SDHAF4: variants seen among roughly 807,000 people sequenced by gnomAD.
The protein encoded by SDHAF4 is succinate dehydrogenase assembly factor 4, mitochondrial.
Under a neutral mutation model 14.3 loss-of-function variants are expected in SDHAF4, and 14 were observed. The observed-to-expected ratio is 0.98, with a 90% CI of 0.65 to 1.53. The LOEUF (loss-of-function observed/expected upper bound fraction) is 1.53, where lower values mean the gene tolerates loss of function less well. SDHAF4 is among the 40% of genes most tolerant of loss of function. The pLI is 0.00. For missense variants in SDHAF4, 141 were observed against 129.3 expected (o/e 1.09, Z -0.44); for synonymous variants, 63 against 47.3 (o/e 1.33, Z -1.36).
downstream of SDHAF4, among the ~76,000 whole-genome samples, chr6:70,590,789 G>A (rs1765250992): frequency 6.6e-6 from 1 of 151,904 alleles, no homozygotes; most frequent in Non-Finnish European, 1.5e-5. Flanking sequence ...TTCAATAGGA[G>A]AGAGAGAGAT....
At chr6:70,577,942 G>A (rs1403201414) in intron 1 of SDHAF4, among the ~76,000 whole-genome samples, 2 of 152,160 alleles carry the variant, frequency 1.3e-5, no homozygotes, top group Non-Finnish European at 2.9e-5. Flanking sequence ...TGGTATATAT[G>A]TACCACATTT....
chr6:70,573,849 T>G (rs977084637), intron 1 of SDHAF4, among the ~76,000 whole-genome samples: 13 of 151,808 alleles, frequency 8.6e-5, no homozygotes, highest in Middle Eastern at 3.4e-3. Flanking sequence ...TAATTTTTTG[T>G]ATTTTTGGTA....
intron 1 of SDHAF4, among the ~76,000 whole-genome samples, chr6:70,576,445 C>G: frequency 6.6e-6 from 1 of 152,184 alleles, no homozygotes. Flanking sequence ...TCGCTTTCCC[C>G]AAGACACAGT....
downstream of SDHAF4, among the ~76,000 whole-genome samples, chr6:70,592,218 T>C (rs888008464): frequency 6.6e-6 from 1 of 152,200 alleles, no homozygotes; most frequent in Non-Finnish European, 1.5e-5. Context: ...AAACTGGCAC[T>C]GGGAGTGAGG....
chr6:70,573,117 A>AT (rs1338786065), intron 1 of SDHAF4, among the ~76,000 whole-genome samples: 3 of 152,084 alleles, frequency 2.0e-5, no homozygotes, highest in African/African-American at 7.2e-5. Context: ...AGCTAAGACT[A>AT]TAGGCACCAC....
At chr6:70,583,232 C>T (rs1265404688) in intron 2 of SDHAF4, among the ~76,000 whole-genome samples, 1 of 152,172 alleles carries the variant, frequency 6.6e-6, no homozygotes, top group African/African-American at 2.4e-5. Flanking sequence ...CCTGCCTCAG[C>T]CTCCTGAGTA....
Position 70,579,486 on chromosome 6 carries a change from A to G in SDHAF4, c.137A>G (p.Gln46Arg), listed in dbSNP as rs1048886. ...GGAGGAAAGTCTGAACTTGTCAAAC[A>G]GTCCCTTAAGAAGCCGAAGTTACCA... ...SQGGKSELVK[Q>R]SLKKPKLPEG... is the part of the protein sequence containing the mutation. Residue 46 changes from glutamine (Q) to arginine (R), a missense_variant, in exon 2 of 3, where the codon CAG (glutamine) becomes CGG (arginine). Coordinates refer to ENST00000370474, the MANE Select transcript of SDHAF4 (RefSeq NM_145267.3). The G allele has an allele frequency of 0.18, 284,297 of 1,609,918 alleles. 26,366 individuals carry two copies. The highest frequency in any genetic ancestry group is 0.31 in the African/African-American group (22,858 of 74,748).
At chr6:70,584,439 C>T (rs143996364) in intron 2 of SDHAF4, among the ~76,000 whole-genome samples, 309 of 152,280 alleles carry the variant, frequency 2.0e-3, no homozygotes, top group South Asian at 7.9e-3. Flanking sequence ...TTGATCTGTT[C>T]TCTATCACTG....
intron 2 of SDHAF4, among the ~76,000 whole-genome samples, chr6:70,584,425 AC>A (rs1765174725): frequency 6.6e-6 from 1 of 152,128 alleles, no homozygotes; most frequent in African/African-American, 2.4e-5. Flanking sequence ...CCTCCCAGCA[AC>A]CATTGATCTG....
At chr6:70,584,653 T>C (rs901294719) in intron 2 of SDHAF4, among the ~76,000 whole-genome samples, 9 of 151,966 alleles carry the variant, frequency 5.9e-5, no homozygotes, top group African/African-American at 2.4e-5. Flanking sequence ...GGGCAAAAAT[T>C]AGGTTAACAA....
chr6:70,574,033 T>A (rs912891442), intron 1 of SDHAF4, among the ~76,000 whole-genome samples: 1 of 151,406 alleles, frequency 6.6e-6, no homozygotes, highest in Admixed American at 6.6e-5. Context: ...GAAAAATGAT[T>A]AGGCTGGCTG....
the SDHAF4 span, among the ~76,000 whole-genome samples, chr6:70,597,283 C>T: frequency 6.6e-6 from 1 of 150,952 alleles, no homozygotes; most frequent in Non-Finnish European, 1.5e-5. Context: ...CAGGCACCTG[C>T]CACCACGCCT....
intron 1 of SDHAF4, among the ~76,000 whole-genome samples, chr6:70,578,083 A>G (rs531343956): frequency 6.6e-6 from 1 of 152,170 alleles, no homozygotes; most frequent in African/African-American, 2.4e-5. Context: ...TCTTTTGGGT[A>G]TATACCAGTA....
At chr6:70,597,762 T>C in the SDHAF4 span, among the ~76,000 whole-genome samples, 2 of 152,204 alleles carry the variant, frequency 1.3e-5, no homozygotes, top group African/African-American at 4.8e-5. Flanking sequence ...ATCAAATGTG[T>C]TCTGACTTTG....
At chr6:70,571,598 C>T (rs1395078071) in intron 1 of SDHAF4, among the ~76,000 whole-genome samples, 5 of 152,180 alleles carry the variant, frequency 3.3e-5, no homozygotes, top group Non-Finnish European at 7.3e-5. Flanking sequence ...CAGGTGTGAG[C>T]CACCGCGCCC....
Position 70,571,772 on chromosome 6 carries a change from T to G in SDHAF4, c.64+4768T>G, listed in dbSNP as rs1227878431. Among the ~76,000 whole-genome samples, 8 of 152,288 alleles carry G rather than the reference T, an allele frequency of 5.3e-5. No individual in the cohort carries two copies. In the South Asian group the frequency reaches 1.0e-3, roughly 20 times the overall value. On this transcript the variant is annotated intron_variant, in intron 1 of 2. Transcript: ENST00000370474. ...CTGCAAAACTGTCTAGACCTGTTCT[T>G]CTCTTCGAGGGAAGACTTTAAATTA...
chr6:70,579,481 C>T lies in SDHAF4; in HGVS notation c.132C>T (p.Val44=). Residue 44 remains valine (V), a synonymous_variant, in exon 2 of 3, where the codon GTC becomes GTT. Coordinates refer to ENST00000370474, the MANE Select transcript of SDHAF4 (RefSeq NM_145267.3). ...CTCAAGGAGGAAAGTCTGAACTTGT[C>T]AAACAGTCCCTTAAGAAGCCGAAGT... ...SSSQGGKSEL[V]KQSLKKPKLP... 1 of 1,611,522 alleles carries T rather than the reference C, an allele frequency of 6.2e-7. No homozygotes were observed. Among genetic ancestry groups the T allele is most frequent in the Non-Finnish European group, 8.5e-7 (1 of 1,178,628 alleles).
chr6:70,578,691 C>T (rs1044775641), intron 1 of SDHAF4, among the ~76,000 whole-genome samples: 1 of 152,166 alleles, frequency 6.6e-6, no homozygotes, highest in African/African-American at 2.4e-5. Context: ...AGGTTTTCTT[C>T]TAGGATTCTT....
Position 70,579,442 on chromosome 6 carries a change from G to GAA in SDHAF4, c.96_97dup (p.Thr33LysfsTer35). 6.2e-7 allele frequency: 1 copy of GAA among 1,605,962 alleles called. No individual in the cohort carries two copies. The highest frequency in any genetic ancestry group is 2.2e-5 in the East Asian group (1 of 44,480). On this transcript the variant is annotated frameshift_variant, in exon 2 of 3. Coordinates refer to ENST00000370474, the MANE Select transcript of SDHAF4 (RefSeq NM_145267.3). LOFTEE classifies it high-confidence loss of function. ...CACCCCTTCTGTGTCATTCTCTGAG[G>GAA]AAAACAAGTTCTTCTCAAGGAGGAA...
Sources: allele counts gnomAD v4.1 joint callset (sites outside exome capture counted in the v4.1 genomes callset), GRCh38; gene constraint gnomAD v4.1.1; transcripts MANE v1.5; gene names NCBI Gene and HGNC (gene_info 2026-07-23, HGNC 2026-07-21).